NELL2: variants seen among roughly 807,000 people sequenced by gnomAD.
The protein encoded by NELL2 is protein kinase C-binding protein NELL2.
NELL2 carries 41 observed loss-of-function variants against 109.6 expected under a neutral mutation model. The observed-to-expected ratio is 0.37, with a 90% CI of 0.29 to 0.49. The LOEUF is 0.49. NELL2 is among the 20% of genes least tolerant of loss of function. The pLI is 0.98. For synonymous variants in NELL2, 355 were observed against 344.7 expected (o/e 1.03, Z -0.33); for missense variants, 900 against 1,008.3 (o/e 0.89, Z 1.45).
chr12:44,702,072 A>G (rs905285903), intron 12 of NELL2, among the ~76,000 whole-genome samples: 1 of 152,012 alleles, frequency 6.6e-6, no homozygotes, highest in African/African-American at 2.4e-5. Flanking sequence ...CAAGATTATT[A>G]CATGGCTGTT....
At chr12:44,550,686 A>T (rs999573745) in intron 15 of NELL2, among the ~76,000 whole-genome samples, 1 of 152,172 alleles carries the variant, frequency 6.6e-6, no homozygotes, top group Non-Finnish European at 1.5e-5. Flanking sequence ...ATACAGCATT[A>T]AAAAGGAAGA....
intron 2 of NELL2, among the ~76,000 whole-genome samples, chr12:44,864,890 T>A (rs1355350728): frequency 1.3e-5 from 2 of 151,614 alleles, no homozygotes; most frequent in African/African-American, 4.9e-5. Context: ...TACCCAGTAA[T>A]GGGATGGCTG....
chr12:44,563,445 T>G (rs919812525), intron 15 of NELL2, among the ~76,000 whole-genome samples: 5 of 152,140 alleles, frequency 3.3e-5, no homozygotes, highest in Non-Finnish European at 7.4e-5. Flanking sequence ...GCTTTAAAAG[T>G]GATATATTAT....
At chr12:44,744,935 C>G (rs1249518777) in intron 9 of NELL2, among the ~76,000 whole-genome samples, 1 of 152,152 alleles carries the variant, frequency 6.6e-6, no homozygotes, top group South Asian at 2.1e-4. Context: ...AAGAGGGAAT[C>G]CTCCCTAACT....
intron 13 of NELL2, among the ~76,000 whole-genome samples, chr12:44,631,837 C>T (rs950667944): frequency 6.6e-6 from 1 of 152,014 alleles, no homozygotes; most frequent in Non-Finnish European, 1.5e-5. Context: ...TGTCAGGGAG[C>T]TTACCCTGAT....
intron 3 of NELL2, among the ~76,000 whole-genome samples, chr12:44,812,365 C>T (rs1338668034): frequency 6.6e-6 from 1 of 152,072 alleles, no homozygotes; most frequent in Admixed American, 6.6e-5. Context: ...CCATAAAGTC[C>T]CCTGAACTTG....
chr12:44,642,950 G>C (rs1012634245), intron 13 of NELL2, among the ~76,000 whole-genome samples: 1 of 152,110 alleles, frequency 6.6e-6, no homozygotes, highest in Admixed American at 6.5e-5. Flanking sequence ...ACAATAAAGA[G>C]ACATTAAAAG....
intron 9 of NELL2, among the ~76,000 whole-genome samples, chr12:44,729,010 C>A (rs181894038): frequency 6.6e-6 from 1 of 151,918 alleles, no homozygotes. Flanking sequence ...GAAAAAAATA[C>A]CAGACAGCAA....
chr12:44,881,729 A>G (rs1945413987), intron 1 of NELL2: 1 of 152,038 alleles, frequency 6.6e-6, no homozygotes, highest in Non-Finnish European at 1.5e-5. Context: ...TTGTTAATCA[A>G]GAAAGAATGT....
At chr12:44,561,973 T>C (rs931657080) in intron 15 of NELL2, among the ~76,000 whole-genome samples, 4 of 152,062 alleles carry the variant, frequency 2.6e-5, no homozygotes, top group Admixed American at 6.5e-5. Context: ...AAAACAGATA[T>C]ATAGACCAAT....
chr12:44,797,139 G>A (rs1460006528), intron 3 of NELL2, among the ~76,000 whole-genome samples: 1 of 152,090 alleles, frequency 6.6e-6, no homozygotes, highest in East Asian at 1.9e-4. Flanking sequence ...GAGTTAGGGA[G>A]TTAAAACAAG....
In NELL2 at chr12:44,700,848, A is replaced by G. The variant is rs954338738; in HGVS notation, c.1318+2878T>C. ...TATCCTTATCTCTAACCTTGCACAA[A>G]GTAAGTACTCAATAAATATTTATCA... On this transcript the variant is annotated intron_variant, in intron 12 of 19. Coordinates refer to ENST00000429094, the MANE Select transcript of NELL2 (RefSeq NM_001145108.2). Among the ~76,000 whole-genome samples the G allele has an allele frequency of 3.3e-5, 5 of 152,180 alleles. No homozygotes were observed. The East Asian group carries it at 9.6e-4, about 29-fold the overall frequency.
intron 3 of NELL2, among the ~76,000 whole-genome samples, chr12:44,814,333 C>T (rs1449224148): frequency 3.9e-5 from 6 of 152,100 alleles, no homozygotes; most frequent in Non-Finnish European, 4.4e-5. Context: ...AAAATTAAGG[C>T]GAAATTTTCC....
At chr12:44,623,148 G>C (rs896529940) in intron 13 of NELL2, among the ~76,000 whole-genome samples, 6 of 152,048 alleles carry the variant, frequency 3.9e-5, no homozygotes, top group South Asian at 4.1e-4. Context: ...GAGTAAGGCA[G>C]AATTCTCATT....
chr12:44,816,630 T>C (rs747619003), intron 2 of NELL2, among the ~76,000 whole-genome samples: 18 of 152,226 alleles, frequency 1.2e-4, no homozygotes, highest in African/African-American at 4.1e-4. Context: ...AGGTTTGCTA[T>C]AAATAGATTT....
At chr12:44,639,181 G>T (rs1485132018) in intron 13 of NELL2, among the ~76,000 whole-genome samples, 1 of 152,044 alleles carries the variant, frequency 6.6e-6, no homozygotes, top group South Asian at 2.1e-4. Context: ...CTTATTCTTG[G>T]TATTCTTCTC....
intron 13 of NELL2, among the ~76,000 whole-genome samples, chr12:44,653,393 C>T (rs189090985): frequency 3.9e-5 from 6 of 152,162 alleles, no homozygotes; most frequent in Non-Finnish European, 5.9e-5. Context: ...AGTTATTATC[C>T]ACAAGCTAAA....
At chr12:44,692,635 T>G (rs1366903973) in intron 12 of NELL2, among the ~76,000 whole-genome samples, 4 of 152,010 alleles carry the variant, frequency 2.6e-5, no homozygotes, top group African/African-American at 9.7e-5. Context: ...GTAAGAAAAT[T>G]TGTGATTCAT....
chr12:44,819,658 A>G (rs1329399189), intron 2 of NELL2, among the ~76,000 whole-genome samples: 1 of 152,130 alleles, frequency 6.6e-6, no homozygotes. Flanking sequence ...CTTGAAGCTC[A>G]TTCACTCATG....
Sources: gnomAD v4.1 joint callset for allele counts (sites outside exome capture counted in the v4.1 genomes callset) on GRCh38, gnomAD v4.1.1 for gene constraint, MANE v1.5 for transcripts, NCBI Gene and HGNC (gene_info 2026-07-23, HGNC 2026-07-21) for gene names.